Variants in MYCBP2 observed in about 807,000 individuals in gnomAD.
The protein encoded by MYCBP2 is E3 ubiquitin-protein ligase MYCBP2.
A neutral mutation model predicts 525.3 loss-of-function variants in MYCBP2; 120 were observed. The observed-to-expected ratio is 0.23, with a 90% CI of 0.20 to 0.27. MYCBP2 has a LOEUF of 0.27. Ranked by LOEUF, MYCBP2 falls within the 10% of genes least tolerant of loss-of-function variation. The pLI is 1.00. For synonymous variants in MYCBP2, 1,894 were observed against 1,955.8 expected (o/e 0.97, Z 0.83); for missense variants, 4,149 against 5,657.1 (o/e 0.73, Z 8.55).
At chr13:77,160,459 T>C (rs920563470) in intron 44 of MYCBP2, among the ~76,000 whole-genome samples, 7 of 152,338 alleles carry the variant, frequency 4.6e-5, no homozygotes, top group South Asian at 4.1e-4. Context: ...ATTACCGCTT[T>C]GATTAATTCA....
chr13:77,117,428 T>C (rs540070137), intron 55 of MYCBP2, among the ~76,000 whole-genome samples: 90 of 152,236 alleles, frequency 5.9e-4, no homozygotes, highest in African/African-American at 2.2e-3. Context: ...ATAATATCAT[T>C]TGCTAGCTAC....
intron 26 of MYCBP2, 84 bp from the exon 27 acceptor site, chr13:77,194,328 G>C (rs2061555713): frequency 2.0e-6 from 2 of 1,004,242 alleles, no homozygotes; most frequent in South Asian, 2.7e-5. Context: ...TGTGCATGAT[G>C]AATGTATGCT....
chr13:77,318,003 TAACA>T (rs1354023359), intron 1 of MYCBP2, among the ~76,000 whole-genome samples: 28 of 143,782 alleles, frequency 1.9e-4, no homozygotes, highest in African/African-American at 4.4e-4. Flanking sequence ...TAACATAACA[TAACA>T]GTGGGTCCCT....
intron 82 of MYCBP2, among the ~76,000 whole-genome samples, chr13:77,050,708 T>A (rs1204221348): frequency 6.6e-6 from 1 of 152,084 alleles, no homozygotes; most frequent in Non-Finnish European, 1.5e-5. Context: ...TTGAACTTCA[T>A]ATGACTTTTT....
intron 32 of MYCBP2, among the ~76,000 whole-genome samples, chr13:77,184,850 CT>C (rs1468749679): frequency 6.6e-6 from 1 of 152,204 alleles, no homozygotes; most frequent in Non-Finnish European, 1.5e-5. Flanking sequence ...CTCTCTCCCT[CT>C]CTCAGAATCA....
chr13:77,109,918 T>C (rs889174167), intron 55 of MYCBP2: 3 of 152,236 alleles, frequency 2.0e-5, no homozygotes, highest in Non-Finnish European at 2.9e-5. Context: ...CAGTTTCTTA[T>C]GCCTGTCTTT....
At chr13:77,319,089 G>C (rs1001013781) in intron 1 of MYCBP2, among the ~76,000 whole-genome samples, 2 of 152,116 alleles carry the variant, frequency 1.3e-5, no homozygotes, top group African/African-American at 2.4e-5. Flanking sequence ...GCTTTGGGGT[G>C]CCTTGGTGCA....
intron 18 of MYCBP2, among the ~76,000 whole-genome samples, chr13:77,227,481 TACAC>T (rs71704593): frequency 0.097 from 14,056 of 145,128 alleles, 973 homozygotes; most frequent in African/African-American, 0.21. Context: ...CACACACACA[TACAC>T]ACACACACAC....
chr13:77,045,305 A>T lies in MYCBP2; in HGVS notation c.*73T>A. On this transcript the variant is annotated 3_prime_UTR_variant, in exon 83 of 83. Coordinates refer to ENST00000544440, the MANE Select transcript of MYCBP2 (RefSeq NM_015057.5). ...ATGGTCCCGTCCTTATCCTGAGCAG[A>T]GTTTAAACTTCACCGCATCCTCTTG... The T allele has an allele frequency of 1.0e-6, 1 of 984,754 alleles. No homozygotes were observed. Among genetic ancestry groups the T allele is most frequent in the Non-Finnish European group, 1.6e-6 (1 of 624,702 alleles). 61.0% of individuals were successfully genotyped at this position (984,754 alleles called of 1,614,324 possible).
chr13:77,319,662 C>T (rs1451425885), intron 1 of MYCBP2, among the ~76,000 whole-genome samples: 1 of 152,164 alleles, frequency 6.6e-6, no homozygotes, highest in Non-Finnish European at 1.5e-5. Flanking sequence ...TTCTCAAAAG[C>T]CTAGTGCACT....
Position 77,081,256 on chromosome 13 carries a change from A to C in MYCBP2, c.11418+171T>G, listed in dbSNP as rs1226438764. On this transcript the variant is annotated intron_variant, in intron 65 of 82. Transcript: ENST00000544440. This position sits in a 1 kb window ranked among gnomAD's most constrained non-coding sequence, Gnocchi z 4.6. Reference sequence around the variant, plus strand: ...AGAAATGGAATTCCACAGTGCTCCCAATCATATTAATTTGTTTTTAGACTT... The same window carrying C: ...AGAAATGGAATTCCACAGTGCTCCCCATCATATTAATTTGTTTTTAGACTT... 1.3e-5 allele frequency: 8 copies of C among 613,752 alleles called. No homozygotes were observed. Among genetic ancestry groups the C allele is most frequent in the Admixed American group, 3.0e-5 (1 of 32,936 alleles). The allele number at this position is 613,752 out of a possible 1,614,324, so 38.0% of individuals were successfully genotyped here.
rs116813747 is a variant in MYCBP2, at chr13:77,176,823, C to T, written c.5341-195G>A. On this transcript the variant is annotated intron_variant, in intron 35 of 82. Coordinates refer to ENST00000544440, the MANE Select transcript of MYCBP2 (RefSeq NM_015057.5). ...TTTATGTGATTTCTTGAGAAGACTACAACATAAATAAGCTTTTCTCATCTG... is the reference window on the plus strand; with the variant it reads ...TTTATGTGATTTCTTGAGAAGACTATAACATAAATAAGCTTTTCTCATCTG... Among the ~76,000 whole-genome samples, 966 of 152,170 alleles carry T rather than the reference C, an allele frequency of 6.3e-3. 8 individuals are homozygous for T. Among genetic ancestry groups the T allele is most frequent in the African/African-American group, 0.022 (904 of 41,518 alleles).
chr13:77,270,703 C>A (rs1235492582), intron 5 of MYCBP2, among the ~76,000 whole-genome samples, 165 bp from the exon 6 acceptor site: 1 of 152,124 alleles, frequency 6.6e-6, no homozygotes, highest in African/African-American at 2.4e-5. Context: ...CTATAAGAAG[C>A]AAATCTCAAG....
Position 77,058,098 on chromosome 13 carries a change from C to T in MYCBP2, c.13329+120G>A, listed in dbSNP as rs1361148475. The T allele has an allele frequency of 7.1e-6, 8 of 1,133,492 alleles. No homozygotes were observed. The highest frequency in any genetic ancestry group is 1.5e-5 in the South Asian group (1 of 66,858). The allele number at this position is 1,133,492 out of a possible 1,614,324, so 70.2% of individuals were successfully genotyped here. A position where few individuals can be genotyped will look rare whatever the true frequency, so the allele number is the denominator to read the frequency against. ...CTCGTGATCCACCTGCCTCGGCCTC[C>T]CAAAGTGCTGGGATTACAGGCATGA... On this transcript the variant is annotated intron_variant, in intron 78 of 82. Transcript: ENST00000544440. This position sits in a 1 kb window ranked among gnomAD's most constrained non-coding sequence, Gnocchi z 4.1.
rs116930853 is a variant in MYCBP2, at chr13:77,276,394, G to A, written c.748+2364C>T. Reference sequence around the variant, plus strand: ...TTGTGATATTAGATTAAAAAAAGGAGGAGAGGCAAGTTTCAAAAGAAATTT... The same window carrying A: ...TTGTGATATTAGATTAAAAAAAGGAAGAGAGGCAAGTTTCAAAAGAAATTT... On this transcript the variant is annotated intron_variant, in intron 4 of 82. Coordinates refer to ENST00000544440, the MANE Select transcript of MYCBP2 (RefSeq NM_015057.5). Among the ~76,000 whole-genome samples, 301 of 152,044 alleles carry A rather than the reference G, an allele frequency of 2.0e-3. 1 individual carries two copies. The highest frequency in any genetic ancestry group is 3.4e-3 in the Non-Finnish European group (232 of 67,972).
At chr13:77,166,575 G>C in intron 40 of MYCBP2, 21 bp from the exon 41 acceptor site, 1 of 1,546,454 alleles carries the variant, frequency 6.5e-7, no homozygotes, top group South Asian at 1.1e-5. Flanking sequence ...CAGGCAAAGT[G>C]ACATGAATAC....
At position 77,125,390 on chromosome 13, in the gene MYCBP2, C is replaced by T. The variant is rs2051468314; in HGVS notation, c.7963G>A (p.Ala2655Thr). ...CCTCTGTCTCTAGCTAAGGACCATG[C>T]CTCTCCTTCATCACTCTCACAGAAC... ...VEFCESDEGE[A>T]WSLARDRGGN... The change falls in exon 54 of 83, where the codon GCA becomes ACA. Residue 2655 changes from alanine (A) to threonine (T), a missense_variant. Around this residue, in one of 21 missense-constraint regions of MYCBP2, gnomAD observed 653 missense variants for 744.7 expected, o/e 0.88. Transcript: ENST00000544440. 2 of 1,613,990 alleles carry T rather than the reference C, an allele frequency of 1.2e-6. No individual in the cohort carries two copies. Among genetic ancestry groups the T allele is most frequent in the East Asian group, 4.5e-5 (2 of 44,862 alleles).
Position 77,077,292 on chromosome 13 carries a change from A to G in MYCBP2, c.11580T>C (p.Asn3860=), listed in dbSNP as rs2042477663. ...CTTTGACTTGTCGAACTCTCAGTGT[A>G]TTTTCTGGGCCTTTTAATTCAATTT... ...IIKIELKGPE[N]TLRVRQVKVL... The change falls in exon 67 of 83, where the codon AAT becomes AAC. Residue 3860 remains asparagine, a synonymous_variant. Coordinates refer to ENST00000544440, the MANE Select transcript of MYCBP2 (RefSeq NM_015057.5). The G allele has an allele frequency of 6.2e-7, 1 of 1,613,826 alleles. No individual in the cohort carries two copies.
At chr13:77,251,077 G>T in intron 15 of MYCBP2, 74 bp downstream of exon 15, 1 of 1,366,300 alleles carries the variant, frequency 7.3e-7, no homozygotes, top group East Asian at 2.3e-5. Context: ...ATTAATAGTA[G>T]AGTATACTCC....
Sources: allele counts gnomAD v4.1 joint callset (sites outside exome capture counted in the v4.1 genomes callset), GRCh38; gene constraint gnomAD v4.1.1; regional missense constraint gnomAD v4.1.1; non-coding constraint Gnocchi (gnomAD v3.1); transcripts MANE v1.5; gene names NCBI Gene and HGNC (gene_info 2026-07-23, HGNC 2026-07-21).